The following AFF4 variants were observed in gnomAD, a reference collection of about 807,000 sequenced individuals.
The protein encoded by AFF4 is ALF transcription elongation factor 4.
A neutral mutation model predicts 124.8 loss-of-function variants in AFF4; 13 were observed. That is an observed-to-expected ratio of 0.10 (90% CI 0.07 to 0.17). The LOEUF (loss-of-function observed/expected upper bound fraction) is 0.17, where lower values mean the gene tolerates loss of function less well. Ranked by LOEUF, AFF4 falls within the 10% of genes least tolerant of loss-of-function variation. The pLI, the probability that AFF4 is intolerant of heterozygous loss-of-function variation, is 1.00. For missense variants in AFF4, 1,092 were observed against 1,403.8 expected, an observed-to-expected ratio of 0.78 and a Z score of 3.55; for synonymous variants, 477 against 496.1, an observed-to-expected ratio of 0.96 and a Z score of 0.51.
chr5:132,882,634 A>G (rs1760009265), intron 20 of AFF4, among the ~76,000 whole-genome samples: 2 of 152,118 alleles, frequency 1.3e-5, no homozygotes, highest in Admixed American at 6.5e-5. Context: ...AGATGGGCAG[A>G]TCACGAGGTC....
intron 5 of AFF4, among the ~76,000 whole-genome samples, chr5:132,917,306 C>G (rs1238174193): frequency 6.6e-6 from 1 of 152,128 alleles, no homozygotes; most frequent in Non-Finnish European, 1.5e-5. Flanking sequence ...AAATATTCAA[C>G]AAAATTCAAA....
intron 5 of AFF4, among the ~76,000 whole-genome samples, chr5:132,918,420 G>C (rs1285371670): frequency 1.3e-5 from 2 of 151,844 alleles, no homozygotes; most frequent in Non-Finnish European, 2.9e-5. Context: ...CCAGCACTTT[G>C]GGAGGCCGAG....
At chr5:132,889,214 A>G in intron 13 of AFF4, 41 bp from the exon 14 acceptor site, 1 of 1,423,414 alleles carries the variant, frequency 7.0e-7, no homozygotes, top group Non-Finnish European at 9.7e-7. Context: ...AACCGTAAGG[A>G]GATTAAAAAT....
chr5:132,939,816 G>T (rs529132365), intron 1 of AFF4, among the ~76,000 whole-genome samples: 7 of 152,278 alleles, frequency 4.6e-5, no homozygotes, highest in Admixed American at 2.6e-4. Flanking sequence ...TCACCGAGTT[G>T]GCCAAACTCC....
chr5:132,893,182 C>T, intron 11 of AFF4, 64 bp from the exon 12 acceptor site: 1 of 1,322,996 alleles, frequency 7.6e-7, no homozygotes, highest in East Asian at 2.3e-5. Flanking sequence ...CCAGCACTAG[C>T]TACCCACAAA....
Position 132,889,071 on chromosome 5 carries a change from T to A in AFF4, c.2732+8A>T. On this transcript the variant is annotated splice_region_variant and intron_variant, in intron 14 of 20. Coordinates refer to ENST00000265343, the MANE Select transcript of AFF4 (RefSeq NM_014423.4). Reference sequence around the variant, plus strand: ...TAAATACAGATACAAAAAATCATATTATCTCACCTGTCATCAAAGACAAGC... The same window carrying A: ...TAAATACAGATACAAAAAATCATATAATCTCACCTGTCATCAAAGACAAGC... The A allele has an allele frequency of 6.2e-7, 1 of 1,602,562 alleles. No individual in the cohort carries two copies. Among genetic ancestry groups the A allele is most frequent in the South Asian group, 1.1e-5 (1 of 90,780 alleles).
In AFF4 at chr5:132,886,416, A is replaced by G. The variant is rs774887332; in HGVS notation, c.3006-13T>C. ...CTCGCATCGCAGGCTAGCCAATGGA[A>G]AAGGGCGGCTTATTTACCAGGACAG... On this transcript the variant is annotated splice_polypyrimidine_tract_variant and intron_variant, in intron 17 of 20. Transcript: ENST00000265343. The G allele has an allele frequency of 6.2e-7, 1 of 1,612,852 alleles. No homozygotes were observed. The highest frequency in any genetic ancestry group is 1.7e-5 in the Admixed American group (1 of 59,850).
intron 5 of AFF4, chr5:132,926,562 A>G (rs913192153): frequency 2.6e-5 from 4 of 153,932 alleles, no homozygotes; most frequent in Non-Finnish European, 4.3e-5. Context: ...TTTAAGATAG[A>G]ATTTTGCTCT....
intron 1 of AFF4, among the ~76,000 whole-genome samples, chr5:132,960,118 G>C (rs67712424): frequency 0.03 from 4,554 of 152,102 alleles, 132 homozygotes; most frequent in Non-Finnish European, 0.05. Flanking sequence ...GTTAGCTTTA[G>C]GCAGTCTTTA....
chr5:132,918,829 A>T (rs1221476682), intron 5 of AFF4, among the ~76,000 whole-genome samples: 1 of 152,000 alleles, frequency 6.6e-6, no homozygotes, highest in Non-Finnish European at 1.5e-5. Context: ...GATCCAACAC[A>T]ATCCCTGTCA....
chr5:132,892,274 A>G lies in AFF4; in HGVS notation c.2527T>C (p.Ser843Pro). The G allele has an allele frequency of 1.2e-6, 2 of 1,613,926 alleles. No homozygotes were observed. Among genetic ancestry groups the G allele is most frequent in the Non-Finnish European group, 1.7e-6 (2 of 1,179,998 alleles). ...GTCTCCTTGTTGCTGTTACTGCTTGACTTTAAGGAAGAAGACTGACTAATA... is the reference window on the plus strand; with the variant it reads ...GTCTCCTTGTTGCTGTTACTGCTTGGCTTTAAGGAAGAAGACTGACTAATA... Reference protein sequence around the residue: ...RTISQSSSLKSSSNSNKETSG... With the variant: ...RTISQSSSLKPSSNSNKETSG... The change falls in exon 13 of 21, where the codon TCA (serine) becomes CCA (proline). Residue 843 changes from serine to proline, a missense_variant. Physicochemically the swap from Ser to Pro is moderately conservative, Grantham distance 74. Coordinates refer to ENST00000265343, the MANE Select transcript of AFF4 (RefSeq NM_014423.4).
intron 1 of AFF4, among the ~76,000 whole-genome samples, chr5:132,937,421 C>T (rs754208208): frequency 6.6e-6 from 1 of 152,172 alleles, no homozygotes; most frequent in African/African-American, 2.4e-5. Flanking sequence ...TTAGAACCCA[C>T]CCCAACAAAA....
intron 1 of AFF4, among the ~76,000 whole-genome samples, chr5:132,939,020 T>C (rs1426687006): frequency 6.7e-6 from 1 of 148,632 alleles, no homozygotes; most frequent in Non-Finnish European, 1.5e-5. Flanking sequence ...GGAGGATCGC[T>C]TGACCTGCCT....
At position 132,963,596 on chromosome 5, in the gene AFF4, G is replaced by T; in HGVS notation, c.-342C>A. 1 of 397,628 alleles carries T rather than the reference G, an allele frequency of 2.5e-6. No homozygotes were observed. The highest frequency in any genetic ancestry group is 1.3e-4 in the South Asian group (1 of 7,734). 24.6% of individuals were successfully genotyped at this position (397,628 alleles called of 1,614,324 possible). ...CCCCGCCCCGTCCGCTGGCGGCGGC[G>T]ACGGCAGCTGGACTCCTGCAGCCAG... On this transcript the variant is annotated 5_prime_UTR_variant, in exon 1 of 21. Transcript: ENST00000265343.
chr5:132,934,148 T>A lies in AFF4; in HGVS notation c.917A>T (p.Asp306Val). 1 of 1,610,998 alleles carries A rather than the reference T, an allele frequency of 6.2e-7. No homozygotes were observed. Among genetic ancestry groups the A allele is most frequent in the Non-Finnish European group, 8.5e-7 (1 of 1,177,826 alleles). Residue 306 changes from aspartate (D) to valine (V), a missense_variant and splice_region_variant, in exon 3 of 21, where the codon GAT becomes GTT. By Grantham distance (152) the Asp-to-Val change is radical. This residue lies in a region of AFF4 where 148 missense variants were observed against 196.3 expected (regional missense o/e 0.75). Transcript: ENST00000265343. ...AAAAGCTCTAAATGTGTGACTTACA[T>A]CCAGTGGTTGGGAAGGTATTTTCAG... ...TKLKIPSQPL[D>V]ASASGDVSCV...
chr5:132,884,232 G>C (rs1448189202), intron 19 of AFF4, among the ~76,000 whole-genome samples: 2 of 152,142 alleles, frequency 1.3e-5, no homozygotes, highest in Non-Finnish European at 2.9e-5. Flanking sequence ...AAATAAACTT[G>C]TGTATACACA....
At chr5:132,913,415 A>G (rs572781248) in intron 5 of AFF4, among the ~76,000 whole-genome samples, 2 of 152,208 alleles carry the variant, frequency 1.3e-5, no homozygotes, top group Non-Finnish European at 2.9e-5. Context: ...AGCCAACTTG[A>G]CCTAACAGGA....
chr5:132,952,796 G>A (rs953797837), intron 1 of AFF4, among the ~76,000 whole-genome samples: 2 of 152,112 alleles, frequency 1.3e-5, no homozygotes, highest in African/African-American at 2.4e-5. Flanking sequence ...TACTCGAGAG[G>A]CTGTGGCATG....
chr5:132,915,959 T>C (rs1325367889), intron 5 of AFF4, among the ~76,000 whole-genome samples: 1 of 151,942 alleles, frequency 6.6e-6, no homozygotes, highest in East Asian at 1.9e-4. Flanking sequence ...GGCTTTTGTT[T>C]AAGAATTGCT....
Sources: allele counts gnomAD v4.1 joint callset (sites outside exome capture counted in the v4.1 genomes callset), GRCh38; gene constraint gnomAD v4.1.1; regional missense constraint gnomAD v4.1.1; transcripts MANE v1.5; gene names NCBI Gene and HGNC (gene_info 2026-07-23, HGNC 2026-07-21).